Variants in KDM4C observed in about 807,000 individuals in gnomAD.
KDM4C encodes the protein lysine demethylase 4C.
A neutral mutation model predicts 129.3 loss-of-function variants in KDM4C; 81 were observed. That is an observed-to-expected ratio of 0.63 (90% CI 0.52 to 0.75). The LOEUF (loss-of-function observed/expected upper bound fraction) is 0.75. Among genes scored for constraint, KDM4C ranks in the 30% least tolerant of loss-of-function variants. The probability of loss-of-function intolerance (pLI) is 0.00; values close to 1 mark genes in which losing one functional copy is unlikely to be tolerated. For missense variants in KDM4C, 1,457 were observed against 1,304.0 expected (o/e 1.12, Z -1.81); for synonymous variants, 573 against 456.1 (o/e 1.26, Z -3.26).
chr9:6,873,236 A>C lies in KDM4C; in HGVS notation c.630-6776A>C, dbSNP rs560747499. Among the ~76,000 whole-genome samples the C allele has an allele frequency of 1.7e-4, 26 of 152,248 alleles. No individual in the cohort carries two copies. The South Asian group carries it at 5.0e-3, about 29-fold the overall frequency. On this transcript the variant is annotated intron_variant, in intron 5 of 21. Coordinates refer to ENST00000381309, the MANE Select transcript of KDM4C (RefSeq NM_015061.6). Reference sequence around the variant, plus strand: ...GGTCTTGAACTCCTGACCTCAGGTGATCCACCCGCCTCGGCCTGGGATTAC... The same window carrying C: ...GGTCTTGAACTCCTGACCTCAGGTGCTCCACCCGCCTCGGCCTGGGATTAC...
At chr9:6,812,162 A>G (rs1012829799) in intron 3 of KDM4C, among the ~76,000 whole-genome samples, 1 of 151,538 alleles carries the variant, frequency 6.6e-6, no homozygotes, top group Non-Finnish European at 1.5e-5. Context: ...CCTTGAACCC[A>G]GGAGGCGGAG....
At chr9:6,891,785 C>T (rs1421715127) in intron 7 of KDM4C, among the ~76,000 whole-genome samples, 1 of 152,064 alleles carries the variant, frequency 6.6e-6, no homozygotes, top group Non-Finnish European at 1.5e-5. Context: ...TCAGTCTCTT[C>T]TCCCTCCCAG....
chr9:7,060,858 G>T (rs1171925274), intron 17 of KDM4C, among the ~76,000 whole-genome samples: 1 of 152,138 alleles, frequency 6.6e-6, no homozygotes, highest in East Asian at 1.9e-4. Context: ...ATTGTTTAGA[G>T]ATGGTTTACA....
intron 5 of KDM4C, among the ~76,000 whole-genome samples, chr9:6,859,845 A>G (rs1478039541): frequency 6.7e-5 from 10 of 150,224 alleles, no homozygotes; most frequent in Non-Finnish European, 5.9e-5. Flanking sequence ...AGCCTGGGCG[A>G]CACAGCGAGA....
chr9:6,796,505 C>G (rs1367766018), intron 2 of KDM4C, among the ~76,000 whole-genome samples: 2 of 152,158 alleles, frequency 1.3e-5, no homozygotes, highest in Non-Finnish European at 2.9e-5. Context: ...AGTGGAGTGT[C>G]TTGTGAGGTA....
At position 7,151,369 on chromosome 9, in the gene KDM4C, A is replaced by C. The variant is rs577126141; in HGVS notation, c.2782-13869A>C. Among the ~76,000 whole-genome samples, 3 of 151,450 alleles carry C rather than the reference A, an allele frequency of 2.0e-5. No individual in the cohort carries two copies. In the South Asian group the frequency reaches 6.3e-4, roughly 32 times the overall value. ...TTAAGGGACAACCACAGCATCTTGG[A>C]GTTCAGAAAGGGTGTGTATGTGTCC... On this transcript the variant is annotated intron_variant, in intron 19 of 21. Coordinates refer to ENST00000381309, the MANE Select transcript of KDM4C (RefSeq NM_015061.6).
intron 4 of KDM4C, among the ~76,000 whole-genome samples, chr9:6,833,675 G>C (rs552737924): frequency 1.6e-4 from 25 of 152,284 alleles, no homozygotes; most frequent in East Asian, 1.2e-3. Flanking sequence ...AAAACACCTC[G>C]TACAGGGCCT....
At chr9:6,903,943 A>T (rs907096385) in intron 8 of KDM4C, among the ~76,000 whole-genome samples, 1 of 152,184 alleles carries the variant, frequency 6.6e-6, no homozygotes, top group African/African-American at 2.4e-5. Context: ...CATTCTGTTC[A>T]ATATATCTTT....
At chr9:6,753,916 C>T (rs1265862456), upstream of KDM4C, among the ~76,000 whole-genome samples, 1 of 144,848 alleles carries the variant, frequency 6.9e-6, no homozygotes, top group Non-Finnish European at 1.5e-5. Flanking sequence ...GCTCTGTCAC[C>T]CAGGCTGGAG....
At chr9:6,870,319 G>A (rs1842657844) in intron 5 of KDM4C, among the ~76,000 whole-genome samples, 1 of 151,958 alleles carries the variant, frequency 6.6e-6, no homozygotes, top group East Asian at 1.9e-4. Context: ...CTTTCCTTTT[G>A]ACATCTTCAT....
intron 5 of KDM4C, among the ~76,000 whole-genome samples, chr9:6,861,535 C>G (rs111572183): frequency 6.5e-4 from 99 of 152,284 alleles, no homozygotes; most frequent in African/African-American, 2.2e-3. Context: ...TGTTCAGCCA[C>G]TCTACCATAT....
intron 19 of KDM4C, among the ~76,000 whole-genome samples, chr9:7,164,194 G>A (rs1461579941): frequency 9.9e-5 from 15 of 152,138 alleles, no homozygotes; most frequent in Admixed American, 1.3e-4. Flanking sequence ...ATTGCTAAAT[G>A]TGCAAAAATA....
At chr9:6,860,004 A>T (rs1840635594) in intron 5 of KDM4C, among the ~76,000 whole-genome samples, 1 of 152,208 alleles carries the variant, frequency 6.6e-6, no homozygotes, top group Non-Finnish European at 1.5e-5. Context: ...GTAAAGATGA[A>T]GGAGTAGGCA....
chr9:7,059,373 G>C (rs931483562), intron 17 of KDM4C, among the ~76,000 whole-genome samples: 7 of 152,162 alleles, frequency 4.6e-5, no homozygotes, highest in African/African-American at 1.7e-4. Flanking sequence ...GAGTAGCTGG[G>C]ATTACAGGAC....
At chr9:7,119,515 A>C (rs1839273077) in intron 18 of KDM4C, among the ~76,000 whole-genome samples, 1 of 152,168 alleles carries the variant, frequency 6.6e-6, no homozygotes, top group Non-Finnish European at 1.5e-5. Context: ...ATGCTCATCA[A>C]CAACTTTGTA....
intron 4 of KDM4C, among the ~76,000 whole-genome samples, chr9:6,829,042 A>G (rs1834361723): frequency 6.6e-6 from 1 of 152,338 alleles, no homozygotes; most frequent in South Asian, 2.1e-4. Context: ...ACTCTGAGTG[A>G]TCGATGATTG....
chr9:6,934,751 T>G (rs1824440904), intron 8 of KDM4C, among the ~76,000 whole-genome samples: 1 of 152,096 alleles, frequency 6.6e-6, no homozygotes, highest in South Asian at 2.1e-4. Flanking sequence ...CGTGAGCCAC[T>G]GCGCCCGGCC....
intron 5 of KDM4C, among the ~76,000 whole-genome samples, chr9:6,868,071 G>A (rs1387157571): frequency 6.6e-6 from 1 of 152,098 alleles, no homozygotes; most frequent in African/African-American, 2.4e-5. Flanking sequence ...ATAAGGCAGA[G>A]CTGATATGGA....
intron 17 of KDM4C, among the ~76,000 whole-genome samples, chr9:7,102,731 A>G (rs2133144604): frequency 6.6e-6 from 1 of 152,308 alleles, no homozygotes; most frequent in South Asian, 2.1e-4. Flanking sequence ...AAGAAAATCT[A>G]CCTATAAAAG....
Sources: allele counts gnomAD v4.1 joint callset (sites outside exome capture counted in the v4.1 genomes callset), GRCh38; gene constraint gnomAD v4.1.1; transcripts MANE v1.5; gene names NCBI Gene and HGNC (gene_info 2026-07-23, HGNC 2026-07-21).